The following SCAPER variants were observed in gnomAD, a reference collection of about 807,000 sequenced individuals.
SCAPER encodes S phase cyclin A-associated protein in the endoplasmic reticulum.
In SCAPER, 98 loss-of-function variants were observed where a neutral mutation model predicts 182.2. That is an observed-to-expected ratio of 0.54 (90% CI 0.46 to 0.64). The LOEUF (loss-of-function observed/expected upper bound fraction) is 0.64, where lower values mean the gene tolerates loss of function less well. SCAPER is among the 30% of genes least tolerant of loss of function. SCAPER has a pLI of 0.00. For missense variants in SCAPER, 1,432 were observed against 1,690.0 expected, an observed-to-expected ratio of 0.85 and a Z score of 2.68; for synonymous variants, 605 against 564.6, an observed-to-expected ratio of 1.07 and a Z score of -1.01.
intron 20 of SCAPER, among the ~76,000 whole-genome samples, chr15:76,699,335 C>T (rs925827635): frequency 2.0e-5 from 3 of 152,146 alleles, no homozygotes; most frequent in Non-Finnish European, 2.9e-5. Context: ...ATCCTTGTCT[C>T]GTTCCAGTTC....
In SCAPER at chr15:76,601,056, AAATGTT is replaced by A. The variant is rs1198023001; in HGVS notation, c.2711+20702_2711+20707del. On this transcript the variant is annotated intron_variant, in intron 22 of 31. Coordinates refer to ENST00000563290, the MANE Select transcript of SCAPER (RefSeq NM_020843.4). ...GAAAAAATGTATTGAGAATTAAAGA[AAATGTT>A]AATGTGGATACACAGAATAGAAATT... is the stretch of plus-strand genomic sequence containing the variant. Among the ~76,000 whole-genome samples the A allele has an allele frequency of 1.6e-5, 2 of 122,324 alleles. 1 individual carries two copies. Among genetic ancestry groups the A allele is most frequent in the African/African-American group, 5.0e-5 (2 of 39,964 alleles). The allele number at this position is 122,324 out of a possible 152,430, so 80.2% of individuals were successfully genotyped here.
At position 76,454,442 on chromosome 15, in the gene SCAPER, TCTA is replaced by T. The variant is rs561473484; in HGVS notation, c.3078+16767_3078+16769del. Among the ~76,000 whole-genome samples the T allele has an allele frequency of 1.8e-3, 280 of 152,316 alleles. 1 individual carries two copies. Among genetic ancestry groups the T allele is most frequent in the Admixed American group, 4.6e-3 (70 of 15,298 alleles). On this transcript the variant is annotated intron_variant, in intron 25 of 31. Coordinates refer to ENST00000563290, the MANE Select transcript of SCAPER (RefSeq NM_020843.4). ...ATACATTTAATTTATTTTTGGCTCT[TCTA>T]CTATCTCATTCCCCATCTCCCTAAC...
chr15:76,858,509 C>T (rs980520509), intron 3 of SCAPER, among the ~76,000 whole-genome samples: 1 of 151,726 alleles, frequency 6.6e-6, no homozygotes, highest in Admixed American at 6.6e-5. Flanking sequence ...TGCAGGTTTG[C>T]TATACAGGCA....
At chr15:76,770,725 T>G (rs1021142376) in intron 10 of SCAPER, among the ~76,000 whole-genome samples, 1 of 152,154 alleles carries the variant, frequency 6.6e-6, no homozygotes, top group Non-Finnish European at 1.5e-5. Flanking sequence ...CTGAAAAATA[T>G]ACAATTTGAT....
intron 22 of SCAPER, among the ~76,000 whole-genome samples, chr15:76,584,975 G>T (rs2048529563): frequency 6.6e-6 from 1 of 152,074 alleles, no homozygotes; most frequent in African/African-American, 2.4e-5. Context: ...ACTCAAAAAG[G>T]CACTGGTGAA....
chr15:76,446,311 C>A (rs1357816129), intron 25 of SCAPER, among the ~76,000 whole-genome samples: 1 of 152,094 alleles, frequency 6.6e-6, no homozygotes, highest in South Asian at 2.1e-4. Context: ...AAGCACTAAA[C>A]AAGCGTGATG....
At chr15:76,727,004 C>T (rs1219829918) in intron 17 of SCAPER, among the ~76,000 whole-genome samples, 9 of 151,630 alleles carry the variant, frequency 5.9e-5, no homozygotes, top group Admixed American at 5.9e-4. Context: ...AAATTTCATG[C>T]TATTTATATT....
At chr15:76,517,225 T>C (rs2042496793) in intron 23 of SCAPER, among the ~76,000 whole-genome samples, 1 of 152,100 alleles carries the variant, frequency 6.6e-6, no homozygotes, top group Non-Finnish European at 1.5e-5. Context: ...TTACTATATA[T>C]ACATACACTT....
At chr15:76,894,480 C>A (rs755113147) in intron 1 of SCAPER, among the ~76,000 whole-genome samples, 1 of 151,978 alleles carries the variant, frequency 6.6e-6, no homozygotes, top group African/African-American at 2.4e-5. Flanking sequence ...GATAAACAAC[C>A]TAAGTTTACA....
At chr15:76,351,349 G>C in intron 30 of SCAPER, 61 bp from the exon 31 acceptor site, 1 of 1,476,884 alleles carries the variant, frequency 6.8e-7, no homozygotes, top group Non-Finnish European at 9.2e-7. Flanking sequence ...TTCACTAAGG[G>C]TGGCTTTAAA....
At chr15:76,657,620 A>G (rs899625810) in intron 21 of SCAPER, among the ~76,000 whole-genome samples, 35 of 151,570 alleles carry the variant, frequency 2.3e-4, no homozygotes, top group African/African-American at 8.5e-4. Flanking sequence ...AAGAAAGAAA[A>G]AAGAACACAG....
intron 20 of SCAPER, among the ~76,000 whole-genome samples, chr15:76,700,395 G>A (rs2058874916): frequency 6.6e-6 from 1 of 152,162 alleles, no homozygotes; most frequent in South Asian, 2.1e-4. Flanking sequence ...GGGTCATGGG[G>A]TCTCCTGCAG....
chr15:76,674,154 T>TA (rs1392716270), intron 20 of SCAPER, among the ~76,000 whole-genome samples: 1 of 152,120 alleles, frequency 6.6e-6, no homozygotes, highest in Non-Finnish European at 1.5e-5. Context: ...TTACAAATAA[T>TA]AAATGAAAAT....
chr15:76,365,397 T>C (rs2041741631), intron 29 of SCAPER, among the ~76,000 whole-genome samples: 2 of 152,260 alleles, frequency 1.3e-5, no homozygotes, highest in Admixed American at 6.5e-5. Context: ...TCATGTTGTC[T>C]ATTCTGTGAG....
intron 2 of SCAPER, among the ~76,000 whole-genome samples, chr15:76,882,853 ACGGGGTTTCACCG>A (rs1431649508): frequency 6.6e-6 from 1 of 152,064 alleles, no homozygotes; most frequent in Non-Finnish European, 1.5e-5. Flanking sequence ...TTTAGCAGAG[ACGGGGTTTCACCG>A]TGTTAGCCAG....
chr15:76,382,012 C>T (rs183995623), intron 27 of SCAPER, among the ~76,000 whole-genome samples: 1 of 152,320 alleles, frequency 6.6e-6, no homozygotes, highest in African/African-American at 2.4e-5. Flanking sequence ...TATAAAGGCA[C>T]TCTTCTTAGG....
intron 23 of SCAPER, among the ~76,000 whole-genome samples, chr15:76,571,357 A>G (rs2047422409): frequency 6.6e-6 from 1 of 152,174 alleles, no homozygotes; most frequent in Admixed American, 6.6e-5. Flanking sequence ...AAGTGGCTTA[A>G]GATTTTTTTT....
intron 10 of SCAPER, 51 bp downstream of exon 10, chr15:76,771,691 A>G: frequency 7.2e-7 from 1 of 1,397,034 alleles, no homozygotes; most frequent in Non-Finnish European, 1.0e-6. Flanking sequence ...ATGCTTCTTA[A>G]ATATACTCAG....
intron 23 of SCAPER, among the ~76,000 whole-genome samples, chr15:76,545,560 A>G (rs1193547733): frequency 6.6e-6 from 1 of 152,164 alleles, no homozygotes; most frequent in Non-Finnish European, 1.5e-5. Context: ...AATGTCAATA[A>G]CGAGAACCCT....
Sources: allele counts gnomAD v4.1 joint callset (sites outside exome capture counted in the v4.1 genomes callset), GRCh38; gene constraint gnomAD v4.1.1; transcripts MANE v1.5; gene names NCBI Gene and HGNC (gene_info 2026-07-23, HGNC 2026-07-21).